Variants in VWCE observed in about 807,000 individuals in gnomAD.
The protein encoded by VWCE is von Willebrand factor C and EGF domains, also known as von Willebrand factor C and EGF domain-containing protein.
In VWCE, 68 loss-of-function variants were observed where a neutral mutation model predicts 102.9. That is an observed-to-expected ratio of 0.66 (90% CI 0.54 to 0.81). VWCE has a LOEUF of 0.81. Among genes scored for constraint, VWCE ranks in the 30% least tolerant of loss-of-function variants. The pLI, the probability that VWCE is intolerant of heterozygous loss-of-function variation, is 0.00. For missense variants in VWCE, 1,137 were observed against 1,263.6 expected, an observed-to-expected ratio of 0.90 and a Z score of 1.52; for synonymous variants, 497 against 515.4, an observed-to-expected ratio of 0.96 and a Z score of 0.48.
intron 9 of VWCE, 142 bp downstream of exon 9, chr11:61,280,482 G>T: frequency 1.2e-6 from 1 of 812,528 alleles, no homozygotes; most frequent in Non-Finnish European, 1.9e-6. Flanking sequence ...AGCTCTGGGA[G>T]CAGCGCCAAG....
intron 16 of VWCE, among the ~76,000 whole-genome samples, chr11:61,267,118 C>T (rs548320264): frequency 2.6e-4 from 40 of 152,184 alleles, no homozygotes; most frequent in African/African-American, 8.7e-4. Flanking sequence ...ATTAGCCAGG[C>T]GTGGTGGTGC....
At chr11:61,277,944 C>T (rs1319362561) in intron 10 of VWCE, among the ~76,000 whole-genome samples, 1 of 152,152 alleles carries the variant, frequency 6.6e-6, no homozygotes, top group Admixed American at 6.6e-5. Context: ...AGGGCAGGCA[C>T]ACAGTAAGTG....
intron 1 of VWCE, 72 bp from the exon 2 acceptor site, chr11:61,291,648 G>A: frequency 7.9e-7 from 1 of 1,258,314 alleles, no homozygotes; most frequent in Non-Finnish European, 1.1e-6. Flanking sequence ...AAGTCTCCCA[G>A]CCAGTGTGTA....
At chr11:61,292,159 G>T (rs1318488584) in intron 1 of VWCE, among the ~76,000 whole-genome samples, 1 of 151,862 alleles carries the variant, frequency 6.6e-6, no homozygotes, top group Non-Finnish European at 1.5e-5. Context: ...TGAGGCAGAG[G>T]TTGCAGCGAG....
At position 61,294,904 on chromosome 11, in the gene VWCE, CG is replaced by C. The variant is rs1339681837; in HGVS notation, c.110+23del. The C allele has an allele frequency of 7.3e-7, 1 of 1,362,194 alleles. No individual in the cohort carries two copies. Among genetic ancestry groups the C allele is most frequent in the Non-Finnish European group, 9.5e-7 (1 of 1,048,232 alleles). 84.4% of individuals were successfully genotyped at this position (1,362,194 alleles called of 1,614,324 possible). ...GGTAGCGCTCTCCCGGGCGGGGGAG[CG>C]GGGAGGAGCTCCGGGCGCTTACCTC... is the stretch of plus-strand genomic sequence containing the variant. On this transcript the variant is annotated intron_variant, in intron 1 of 19. Transcript: ENST00000335613. This position sits in a 1 kb window ranked among gnomAD's most constrained non-coding sequence, Gnocchi z 6.3.
At chr11:61,282,927 C>A (rs1565227916) in intron 5 of VWCE, 22 bp from the exon 6 acceptor site, 1 of 1,595,714 alleles carries the variant, frequency 6.3e-7, no homozygotes, top group Admixed American at 1.7e-5. Context: ...AGGGACAAGA[C>A]TGGGGTTCAT....
At chr11:61,288,762 T>C (rs2134846711) in intron 4 of VWCE, among the ~76,000 whole-genome samples, 1 of 152,158 alleles carries the variant, frequency 6.6e-6, no homozygotes, top group South Asian at 2.1e-4. Context: ...CAAGACCCCT[T>C]TATTGAGACC....
rs1319734233 is a variant in VWCE at position 61,280,877 on chromosome 11, C to G, written c.1146G>C (p.Gly382=). The G allele has an allele frequency of 2.0e-6, 3 of 1,534,314 alleles. No individual in the cohort carries two copies. Among genetic ancestry groups the G allele is most frequent in the African/African-American group, 2.8e-5 (2 of 72,320 alleles). ...CTCCCAGGTGCCAGCAGGGAGAGGG[C>G]CCTGCTGCCAGTCGGGGGGACTCAG... ...RGPESPRLAA[G]PSPCWHLGAM... The change falls in exon 8 of 20, where the codon GGG becomes GGC. Residue 382 remains glycine, a synonymous_variant. Coordinates refer to ENST00000335613, the MANE Select transcript of VWCE (RefSeq NM_152718.2).
At chr11:61,280,457 A>G (rs953272805) in intron 9 of VWCE, among the ~76,000 whole-genome samples, 167 bp downstream of exon 9, 2 of 152,124 alleles carry the variant, frequency 1.3e-5, no homozygotes, top group Non-Finnish European at 1.5e-5. Flanking sequence ...CCTATCCCAG[A>G]CCTACTACAT....
chr11:61,279,916 G>C (rs553066366), intron 9 of VWCE, among the ~76,000 whole-genome samples: 1 of 152,150 alleles, frequency 6.6e-6, no homozygotes, highest in East Asian at 1.9e-4. Context: ...TTGTAGACAC[G>C]GGTCCTCCCT....
intron 13 of VWCE, among the ~76,000 whole-genome samples, chr11:61,272,260 ACACT>A (rs1397773839): frequency 6.6e-6 from 1 of 152,128 alleles, no homozygotes; most frequent in Non-Finnish European, 1.5e-5. Context: ...ACACAGACAC[ACACT>A]CATACAAATA....
rs764741197 is a variant in VWCE, at chr11:61,293,241, C to CAAAAAAA, written c.111-1672_111-1666dup. Among the ~76,000 whole-genome samples the CAAAAAAA allele has an allele frequency of 5.4e-3, 98 of 18,024 alleles. 11 individuals carry two copies. Among genetic ancestry groups the CAAAAAAA allele is most frequent in the African/African-American group, 0.014 (73 of 5,126 alleles). The allele number at this position is 18,024 out of a possible 152,430, so 11.8% of individuals were successfully genotyped here. A position where few individuals can be genotyped will look rare whatever the true frequency, so the allele number is the denominator to read the frequency against. On this transcript the variant is annotated intron_variant, in intron 1 of 19. Transcript: ENST00000335613. Reference sequence around the variant, plus strand: ...GGGCAACAAGAGCAAAACTCCATCTCAAAAAAAAAAAAAAAAAAAAAAAAA... The same window carrying CAAAAAAA: ...GGGCAACAAGAGCAAAACTCCATCTCAAAAAAAAAAAAAAAAAAAAAAAAAAAAAAAA...
intron 11 of VWCE, among the ~76,000 whole-genome samples, chr11:61,275,434 G>A (rs1854873443): frequency 6.6e-6 from 1 of 151,762 alleles, no homozygotes; most frequent in Non-Finnish European, 1.5e-5. Context: ...CAATGGGACC[G>A]ATAAGGGTTC....
chr11:61,258,415 C>T lies in VWCE; in HGVS notation c.*260G>A, dbSNP rs1182606202. On this transcript the variant is annotated 3_prime_UTR_variant, in exon 20 of 20. Transcript: ENST00000335613. ...CCAGGAGAACTTGGCAGTCCCAACC[C>T]TTCTCAAAAGATGAGCCAGCCACGC... 5.8e-6 allele frequency: 2 copies of T among 341,980 alleles called. No homozygotes were observed. Among genetic ancestry groups the T allele is most frequent in the South Asian group, 1.5e-4 (1 of 6,610 alleles). 21.2% of individuals were successfully genotyped at this position (341,980 alleles called of 1,614,324 possible).
chr11:61,258,865 G>A lies in VWCE; in HGVS notation c.2678C>T (p.Thr893Ile), dbSNP rs770974269. The change falls in exon 20 of 20, where the codon ACC becomes ATC. Residue 893 changes from threonine to isoleucine, a missense_variant. This residue lies in a region of VWCE where 316 missense variants were observed against 319.3 expected (regional missense o/e 0.99). Coordinates refer to ENST00000335613, the MANE Select transcript of VWCE (RefSeq NM_152718.2). ...AAGTGCTGAAGCTTCCGTCAGGAGG[G>A]TGCCAGGCAGAGGAGGCCACCTGGA... The part of the protein sequence containing the change: ...IVSRWPPLPG[T>I]LLTEASALSM... The A allele has an allele frequency of 3.3e-6, 5 of 1,518,544 alleles. No individual in the cohort carries two copies. The highest frequency in any genetic ancestry group is 2.3e-5 in the East Asian group (1 of 44,066). The allele number at this position is 1,518,544 out of a possible 1,614,324, so 94.1% of individuals were successfully genotyped here.
rs561681705 is a variant in VWCE at position 61,287,689 on chromosome 11, G to A, written c.425-1259C>T. ...GCCCAGGCAGGCATGCCCTGGAAGA[G>A]CGACTGGCTGAGAGGACCAGGAGTA... is the stretch of plus-strand genomic sequence containing the variant. On this transcript the variant is annotated intron_variant, in intron 4 of 19. Transcript: ENST00000335613. Among the ~76,000 whole-genome samples the A allele has an allele frequency of 6.6e-5, 10 of 152,336 alleles. No homozygotes were observed. The South Asian group carries it at 1.7e-3, about 25-fold the overall frequency.
chr11:61,266,216 T>A (rs1185681099), intron 16 of VWCE, among the ~76,000 whole-genome samples: 2 of 152,022 alleles, frequency 1.3e-5, no homozygotes, highest in Non-Finnish European at 2.9e-5. Flanking sequence ...TTATGTAAAA[T>A]TTTTTAGCTA....
At chr11:61,268,071 T>G (rs1269193510) in intron 15 of VWCE, among the ~76,000 whole-genome samples, 1 of 151,348 alleles carries the variant, frequency 6.6e-6, no homozygotes, top group Non-Finnish European at 1.5e-5. Context: ...TAGGGGAAGC[T>G]TTAAAAAAAT....
intron 6 of VWCE, among the ~76,000 whole-genome samples, chr11:61,282,257 A>T (rs1213412035): frequency 1.3e-5 from 2 of 152,176 alleles, no homozygotes; most frequent in East Asian, 1.9e-4. Context: ...TTCCGAAAAA[A>T]GTCTCAAAAC....
Sources: gnomAD v4.1 joint callset for allele counts (sites outside exome capture counted in the v4.1 genomes callset) on GRCh38, gnomAD v4.1.1 for gene constraint, gnomAD v4.1.1 regional missense constraint, Gnocchi (gnomAD v3.1) non-coding constraint, MANE v1.5 for transcripts, NCBI Gene and HGNC (gene_info 2026-07-23, HGNC 2026-07-21) for gene names.